AR: variants seen among roughly 807,000 people sequenced by gnomAD.
The protein encoded by AR is dihydrotestosterone receptor.
AR carries 8 observed loss-of-function variants against 53.9 expected under a neutral mutation model. That is an observed-to-expected ratio of 0.15 (90% CI 0.09 to 0.27). The LOEUF (loss-of-function observed/expected upper bound fraction) is 0.27. Among genes scored for constraint, AR ranks in the 10% least tolerant of loss-of-function variants. AR has a pLI of 1.00. For missense variants in AR, 639 were observed against 742.5 expected (o/e 0.86, Z 1.62); for synonymous variants, 359 against 316.4 (o/e 1.13, Z -1.43).
chrX:67,643,203 C>T (rs1925876590), intron 1 of AR, 53 bp from the exon 2 acceptor site: 1 of 1,195,187 alleles, frequency 8.4e-7, no homozygotes, highest in Non-Finnish European at 1.1e-6. Flanking sequence ...CTTCACTTGC[C>T]TATTTCTGCC....
chrX:67,679,809 T>C (rs190402833), intron 2 of AR, among the ~76,000 whole-genome samples: 1 of 112,043 alleles, frequency 8.9e-6, no homozygotes, highest in Non-Finnish European at 1.9e-5. Context: ...ATATTGACCA[T>C]TGGTTTTACA....
At chrX:67,622,983 T>C (rs1203955110) in intron 1 of AR, among the ~76,000 whole-genome samples, 3 of 111,299 alleles carry the variant, frequency 2.7e-5, no homozygotes, top group South Asian at 7.6e-4. Flanking sequence ...CCCTTTATAA[T>C]GTACTAATTA....
chrX:67,594,057 C>A (rs55887145), intron 1 of AR, among the ~76,000 whole-genome samples: 1 of 112,001 alleles, frequency 8.9e-6, no homozygotes, highest in African/African-American at 3.2e-5. Context: ...TACAGTAGTG[C>A]GCTCATGGCT....
chrX:67,621,130 C>T (rs1012622749), intron 1 of AR, among the ~76,000 whole-genome samples: 1 of 111,503 alleles, frequency 9.0e-6, no homozygotes, highest in Non-Finnish European at 1.9e-5. Context: ...TACAACAGAT[C>T]CCTGGCGTAA....
At chrX:67,652,460 A>C (rs911627379) in intron 2 of AR, among the ~76,000 whole-genome samples, 1 of 112,328 alleles carries the variant, frequency 8.9e-6, no homozygotes, top group African/African-American at 3.2e-5. Context: ...AACTTGAAGG[A>C]AGGGAATTTA....
chrX:67,625,419 T>C (rs1234898220), intron 1 of AR, among the ~76,000 whole-genome samples: 1 of 110,836 alleles, frequency 9.0e-6, no homozygotes, highest in African/African-American at 3.3e-5. Context: ...AAATTAATAT[T>C]TAAATACATG....
At chrX:67,701,946 G>A (rs1032222137) in intron 3 of AR, among the ~76,000 whole-genome samples, 1 of 111,284 alleles carries the variant, frequency 9.0e-6, no homozygotes, top group African/African-American at 3.3e-5. Flanking sequence ...CAAGGGTGAA[G>A]AAGGGAGGCA....
intron 1 of AR, among the ~76,000 whole-genome samples, chrX:67,603,432 G>T (rs1923474010): frequency 8.9e-6 from 1 of 111,778 alleles, no homozygotes; most frequent in African/African-American, 3.3e-5. Context: ...AGAGTTCAGA[G>T]GAGATTGTCT....
chrX:67,620,653 A>T (rs1389912287), intron 1 of AR, among the ~76,000 whole-genome samples: 1 of 111,617 alleles, frequency 9.0e-6, no homozygotes, highest in African/African-American at 3.3e-5. Flanking sequence ...ATTCAAACTC[A>T]GATTTCTCTG....
At chrX:67,581,411 C>A (rs975238709) in intron 1 of AR, among the ~76,000 whole-genome samples, 3 of 111,572 alleles carry the variant, frequency 2.7e-5, no homozygotes, top group Middle Eastern at 4.6e-3. Context: ...TTTATAAAGT[C>A]AAAAATGCAA....
chrX:67,669,129 A>T (rs1927414599), intron 2 of AR, among the ~76,000 whole-genome samples: 1 of 110,640 alleles, frequency 9.0e-6, no homozygotes, highest in Non-Finnish European at 1.9e-5. Context: ...GTTCTTTAAG[A>T]TGCATTGTTA....
In AR at chrX:67,724,429, G is replaced by A. The variant is rs761254844; in HGVS notation, c.*588G>A. ...AATCCCCAAAGAGGCCAATAGTGAC[G>A]AGAAGGTGAAAATTGCAGGCCCATG... is the stretch of plus-strand genomic sequence containing the variant. On this transcript the variant is annotated 3_prime_UTR_variant, in exon 8 of 8. Coordinates refer to ENST00000374690, the MANE Select transcript of AR (RefSeq NM_000044.6). 6 of 173,792 alleles carry A rather than the reference G, an allele frequency of 3.5e-5. No individual in the cohort carries two copies. In the East Asian group the frequency reaches 4.0e-4, roughly 12 times the overall value. The allele number at this position is 173,792 out of a possible 1,213,427, so 14.3% of individuals were successfully genotyped here.
chrX:67,570,771 G>C (rs1921781734), intron 1 of AR, among the ~76,000 whole-genome samples: 1 of 110,945 alleles, frequency 9.0e-6, no homozygotes, highest in Non-Finnish European at 1.9e-5. Context: ...TACTGGGTTA[G>C]AAGGTGTTAC....
intron 1 of AR, among the ~76,000 whole-genome samples, chrX:67,566,456 G>A (rs1369539753): frequency 8.9e-6 from 1 of 111,806 alleles, no homozygotes; most frequent in Non-Finnish European, 1.9e-5. Flanking sequence ...TGAAGATGAA[G>A]CCTTATGAGA....
At chrX:67,722,747 G>C (rs1161222356) in intron 6 of AR, 80 bp from the exon 7 acceptor site, 2 of 1,133,520 alleles carry the variant, frequency 1.8e-6, no homozygotes, top group Non-Finnish European at 2.4e-6. Flanking sequence ...TCAAGTCTGT[G>C]GTCAGAAAAC....
chrX:67,717,421 C>G, intron 4 of AR, 57 bp from the exon 5 acceptor site: 1 of 1,201,685 alleles, frequency 8.3e-7, no homozygotes, highest in Non-Finnish European at 1.1e-6. Flanking sequence ...GGGACTCAGA[C>G]TTAGCTCAAC....
chrX:67,663,648 T>A (rs1487245220), intron 2 of AR, among the ~76,000 whole-genome samples: 1 of 111,875 alleles, frequency 8.9e-6, no homozygotes, highest in Admixed American at 9.5e-5. Context: ...GTTCTCTGTA[T>A]TTCCTGAATT....
Position 67,647,399 on chromosome X carries a change from T to G in AR, c.1768+3992T>G, listed in dbSNP as rs1926106264. ...GTGAACCCTCATTGAACTCTTTCTG[T>G]CCTTTAAATCCATTCTTTCCCACCT... On this transcript the variant is annotated intron_variant, in intron 2 of 7. Transcript: ENST00000374690. Among the ~76,000 whole-genome samples the G allele has an allele frequency of 4.5e-5, 5 of 112,131 alleles. No homozygotes were observed. In the South Asian group the frequency reaches 1.8e-3, roughly 41 times the overall value.
chrX:67,632,863 A>G (rs1178849532), intron 1 of AR, among the ~76,000 whole-genome samples: 4 of 112,336 alleles, frequency 3.6e-5, no homozygotes, highest in African/African-American at 1.3e-4. Flanking sequence ...TAAAATGGGC[A>G]AAGTATTTGA....
Sources: allele counts gnomAD v4.1 joint callset (sites outside exome capture counted in the v4.1 genomes callset), GRCh38; gene constraint gnomAD v4.1.1; transcripts MANE v1.5; gene names NCBI Gene and HGNC (gene_info 2026-07-23, HGNC 2026-07-21).